PTPA: variants seen among roughly 807,000 people sequenced by gnomAD.
PTPA encodes protein phosphatase 2 phosphatase activator.
A neutral mutation model predicts 43.6 loss-of-function variants in PTPA; 13 were observed. The ratio of observed to expected loss-of-function variants is 0.30; its 90% CI spans 0.19 to 0.47. The LOEUF is 0.47. Among genes scored for constraint, PTPA ranks in the 20% least tolerant of loss-of-function variants. The pLI, the probability that PTPA is intolerant of heterozygous loss-of-function variation, is 0.99. For missense variants in PTPA, 329 were observed against 411.9 expected (o/e 0.80, Z 1.74); for synonymous variants, 172 against 158.2 (o/e 1.09, Z -0.66).
chr9:129,144,544 C>T (rs1185765001), intron 9 of PTPA, among the ~76,000 whole-genome samples: 3 of 151,736 alleles, frequency 2.0e-5, no homozygotes, highest in Admixed American at 6.6e-5. Context: ...CGAGACCATC[C>T]TGGCTAACAC....
At chr9:129,114,170 C>T (rs1319356165) in intron 1 of PTPA, among the ~76,000 whole-genome samples, 1 of 152,058 alleles carries the variant, frequency 6.6e-6, no homozygotes, top group Non-Finnish European at 1.5e-5. Context: ...CTGAGGCGCC[C>T]ACCACTGTGC....
intron 9 of PTPA, chr9:129,143,212 T>G: frequency 1.5e-6 from 1 of 649,450 alleles, no homozygotes; most frequent in Non-Finnish European, 2.8e-6. Context: ...CTCTTCCAAG[T>G]GGGGAGGAGA....
At chr9:129,137,915 C>A in intron 8 of PTPA, 1 of 556,732 alleles carries the variant, frequency 1.8e-6, no homozygotes, top group South Asian at 1.9e-5. Flanking sequence ...CTCCTGAACA[C>A]CACAGGAGTC....
chr9:129,118,157 A>C (rs985360319), intron 1 of PTPA, among the ~76,000 whole-genome samples: 1 of 149,606 alleles, frequency 6.7e-6, no homozygotes, highest in African/African-American at 2.5e-5. Flanking sequence ...GGGTTCAGGC[A>C]ATTCTCCTGC....
In PTPA at chr9:129,148,625, T is replaced by C. The variant is rs1180436719; in HGVS notation, c.*1161T>C. ...CCGCCGAGGTTTCTCCTAGGGCTGT[T>C]CCTGGGCCTGGCTCTTACAGGCTCG... is the stretch of plus-strand genomic sequence containing the variant. On this transcript the variant is annotated 3_prime_UTR_variant, in exon 10 of 10. Coordinates refer to ENST00000393370, the MANE Select transcript of PTPA (RefSeq NM_178000.3). 1 of 152,784 alleles carries C rather than the reference T, an allele frequency of 6.5e-6. No homozygotes were observed. The highest frequency in any genetic ancestry group is 2.4e-5 in the African/African-American group (1 of 41,464). 9.5% of individuals were successfully genotyped at this position (152,784 alleles called of 1,614,324 possible).
At chr9:129,133,849 G>A (rs766884657) in intron 5 of PTPA, among the ~76,000 whole-genome samples, 36 of 152,338 alleles carry the variant, frequency 2.4e-4, no homozygotes, top group Admixed American at 1.2e-3. Flanking sequence ...TCCTCAAACA[G>A]ATCAAACTTT....
intron 3 of PTPA, among the ~76,000 whole-genome samples, chr9:129,124,934 C>T (rs1350060806): frequency 1.3e-5 from 2 of 152,232 alleles, no homozygotes; most frequent in Non-Finnish European, 2.9e-5. Flanking sequence ...GACCTAGGTC[C>T]TGTTCTGTCC....
At chr9:129,147,183 T>TC (rs869175966) in intron 9 of PTPA, among the ~76,000 whole-genome samples, 31 of 65,306 alleles carry the variant, frequency 4.7e-4, no homozygotes, top group Middle Eastern at 0.016. Flanking sequence ...CCTTTTCTCT[T>TC]TCTCTCTCTC....
chr9:129,130,410 CTT>C (rs11372763), intron 4 of PTPA, among the ~76,000 whole-genome samples: 5 of 141,706 alleles, frequency 3.5e-5, no homozygotes, highest in Non-Finnish European at 3.1e-5. Context: ...GGTACATGAT[CTT>C]TTTTTTTTTT....
At chr9:129,138,272 T>C (rs1046736186) in intron 8 of PTPA, among the ~76,000 whole-genome samples, 1 of 152,176 alleles carries the variant, frequency 6.6e-6, no homozygotes, top group South Asian at 2.1e-4. Context: ...CTGGAAGTTA[T>C]TGTCTCACCA....
intron 9 of PTPA, among the ~76,000 whole-genome samples, chr9:129,144,609 G>C (rs1379111338): frequency 1.3e-5 from 2 of 151,512 alleles, no homozygotes; most frequent in Non-Finnish European, 2.9e-5. Flanking sequence ...CGTGGTGGCG[G>C]GTGCCTGTAG....
chr9:129,125,413 G>A lies in PTPA; in HGVS notation c.216+2275G>A, dbSNP rs557341449. Among the ~76,000 whole-genome samples, 9 of 151,980 alleles carry A rather than the reference G, an allele frequency of 5.9e-5. No individual in the cohort carries two copies. In the South Asian group the frequency reaches 1.2e-3, roughly 21 times the overall value. ...ATTACAGGCGCCCACCACCACACCC[G>A]GCTAATTTTTGTATTTTTAGTAGAG... On this transcript the variant is annotated intron_variant, in intron 3 of 9. Coordinates refer to ENST00000393370, the MANE Select transcript of PTPA (RefSeq NM_178000.3).
chr9:129,111,528 A>G lies in PTPA; in HGVS notation c.-73A>G, dbSNP rs1588473135. 3.1e-6 allele frequency: 4 copies of G among 1,275,830 alleles called. No homozygotes were observed. The highest frequency in any genetic ancestry group is 4.0e-6 in the Non-Finnish European group (4 of 1,003,000). The allele number at this position is 1,275,830 out of a possible 1,614,324, so 79.0% of individuals were successfully genotyped here. On this transcript the variant is annotated 5_prime_UTR_variant, in exon 1 of 10. Coordinates refer to ENST00000393370, the MANE Select transcript of PTPA (RefSeq NM_178000.3). ...CGGAGCCTTTGGTGGAGCCGGGGAG[A>G]GGAAGGGTGGGTGCAAGAGTGAAAG... is the stretch of plus-strand genomic sequence containing the variant.
intron 8 of PTPA, among the ~76,000 whole-genome samples, chr9:129,141,399 C>T (rs563665517): frequency 6.6e-6 from 1 of 152,310 alleles, no homozygotes; most frequent in East Asian, 1.9e-4. Flanking sequence ...GTTTCTTTGC[C>T]AGATTCAGCC....
Position 129,138,830 on chromosome 9 carries a change from A to G in PTPA, c.786+1138A>G, listed in dbSNP as rs1850560171. 2.6e-5 allele frequency among the ~76,000 whole-genome samples: 4 copies of G among 152,212 alleles called. No individual in the cohort carries two copies. The South Asian group carries it at 8.3e-4, about 31-fold the overall frequency. On this transcript the variant is annotated intron_variant, in intron 8 of 9. Coordinates refer to ENST00000393370, the MANE Select transcript of PTPA (RefSeq NM_178000.3). ...AGAGGGGAATGACACATTTTTTCCA[A>G]GTCAGCAAATGGAGCCGGGACTGAC...
At chr9:129,123,437 A>C (rs1223220276) in intron 3 of PTPA, among the ~76,000 whole-genome samples, 1 of 150,226 alleles carries the variant, frequency 6.7e-6, no homozygotes, top group East Asian at 2.0e-4. Context: ...GCGCCACTGC[A>C]CTCCAGCCTG....
intron 8 of PTPA, among the ~76,000 whole-genome samples, chr9:129,138,808 G>A (rs1331463438): frequency 6.6e-6 from 1 of 152,238 alleles, no homozygotes; most frequent in Non-Finnish European, 1.5e-5. Context: ...AGAGGCCAGA[G>A]GGGAATGACA....
In PTPA at chr9:129,142,141, C is replaced by CT. The variant is rs908286889; in HGVS notation, c.787-297dup. The CT allele has an allele frequency of 1.2e-3, 368 of 310,868 alleles. 2 individuals are homozygous for CT. Among genetic ancestry groups the CT allele is most frequent in the Non-Finnish European group, 1.2e-3 (209 of 169,888 alleles). The allele number at this position is 310,868 out of a possible 1,614,324, so 19.3% of individuals were successfully genotyped here. A position where few individuals can be genotyped will look rare whatever the true frequency, so the allele number is the denominator to read the frequency against. Reference sequence around the variant, plus strand: ...TGGTGGGCGATAGGAATCAGGCCCCCTTTTTTTGGCTGTGGGAGAAAGAGG... The same window carrying CT: ...TGGTGGGCGATAGGAATCAGGCCCCCTTTTTTTTGGCTGTGGGAGAAAGAGG... On this transcript the variant is annotated intron_variant, in intron 8 of 9. Transcript: ENST00000393370.
chr9:129,129,594 C>G (rs1250397814), intron 4 of PTPA, among the ~76,000 whole-genome samples: 1 of 151,884 alleles, frequency 6.6e-6, no homozygotes, highest in African/African-American at 2.4e-5. Flanking sequence ...CTCAGCCTTC[C>G]GAGTAGCTGG....
Sources: gnomAD v4.1 joint callset for allele counts (sites outside exome capture counted in the v4.1 genomes callset) on GRCh38, gnomAD v4.1.1 for gene constraint, MANE v1.5 for transcripts, NCBI Gene and HGNC (gene_info 2026-07-23, HGNC 2026-07-21) for gene names.